The following LIFR variants were observed in gnomAD, a reference collection of about 807,000 sequenced individuals.
LIFR encodes the protein LIF receptor subunit alpha.
Under a neutral mutation model 122.2 loss-of-function variants are expected in LIFR, and 84 were observed. That is an observed-to-expected ratio of 0.69 (90% CI 0.58 to 0.82). The LOEUF is 0.82. Ranked by LOEUF, LIFR falls within the 40% of genes least tolerant of loss-of-function variation. The pLI, the probability that LIFR is intolerant of heterozygous loss-of-function variation, is 0.00. For missense variants in LIFR, 1,294 were observed against 1,311.6 expected, an observed-to-expected ratio of 0.99 and a Z score of 0.21; for synonymous variants, 422 against 434.7, an observed-to-expected ratio of 0.97 and a Z score of 0.36.
intron 6 of LIFR, 47 bp downstream of exon 6, chr5:38,511,743 A>G (rs771511770): frequency 5.1e-6 from 8 of 1,556,220 alleles, no homozygotes; most frequent in Non-Finnish European, 6.2e-6. Flanking sequence ...CTTAAGTGAG[A>G]CTAATTTAAT....
intron 5 of LIFR, among the ~76,000 whole-genome samples, chr5:38,517,449 A>G (rs946995449): frequency 1.3e-5 from 2 of 152,184 alleles, no homozygotes; most frequent in African/African-American, 4.8e-5. Flanking sequence ...ATTTAAATAA[A>G]TAATACCTTT....
intron 6 of LIFR, 54 bp from the exon 7 acceptor site, chr5:38,510,772 A>G: frequency 6.8e-7 from 1 of 1,467,108 alleles, no homozygotes; most frequent in Non-Finnish European, 9.4e-7. Flanking sequence ...TTTTACATAA[A>G]CTTTTCTGCA....
chr5:38,580,875 T>C (rs551573808), intron 1 of LIFR, among the ~76,000 whole-genome samples: 2 of 152,166 alleles, frequency 1.3e-5, no homozygotes, highest in African/African-American at 4.8e-5. Context: ...TGTTCTTCTC[T>C]ATCTCCGTGT....
At chr5:38,575,185 T>C (rs1467594154) in intron 1 of LIFR, among the ~76,000 whole-genome samples, 2 of 152,160 alleles carry the variant, frequency 1.3e-5, no homozygotes, top group Non-Finnish European at 2.9e-5. Flanking sequence ...GTCAAGAACA[T>C]TCTATTTGAT....
At chr5:38,588,169 AC>A (rs748931600) in intron 1 of LIFR, among the ~76,000 whole-genome samples, 1 of 152,356 alleles carries the variant, frequency 6.6e-6, no homozygotes, top group African/African-American at 2.4e-5. Flanking sequence ...TGACATGGAT[AC>A]CCAGTTGCAG....
At chr5:38,488,442 T>C (rs62353652) in intron 16 of LIFR, among the ~76,000 whole-genome samples, 8,179 of 152,300 alleles carry the variant, frequency 0.054, 261 homozygotes, top group Middle Eastern at 0.1. Flanking sequence ...GCTTGTGTTA[T>C]GCAGCTATGA....
chr5:38,598,641 T>C (rs1232367541), upstream of LIFR, among the ~76,000 whole-genome samples: 1 of 152,044 alleles, frequency 6.6e-6, no homozygotes, highest in Non-Finnish European at 1.5e-5. Context: ...CTCCTGCCCC[T>C]TCCCCTGACA....
intron 1 of LIFR, among the ~76,000 whole-genome samples, chr5:38,541,472 A>C (rs1023403198): frequency 5.9e-5 from 9 of 152,226 alleles, no homozygotes; most frequent in Non-Finnish European, 2.9e-5. Flanking sequence ...TTTGAACAAA[A>C]TCTTTTCTAA....
intron 1 of LIFR, among the ~76,000 whole-genome samples, chr5:38,535,145 A>G (rs1273433811): frequency 2.6e-5 from 4 of 152,226 alleles, no homozygotes; most frequent in Non-Finnish European, 5.9e-5. Context: ...GAACCTAGAA[A>G]GAGGCCTTGC....
In LIFR at chr5:38,505,970, G is replaced by C. The variant is rs899330619; in HGVS notation, c.1226C>G (p.Thr409Ser). The C allele has an allele frequency of 6.2e-7, 1 of 1,610,190 alleles. No homozygotes were observed. The highest frequency in any genetic ancestry group is 8.5e-7 in the Non-Finnish European group (1 of 1,177,592). ...MLPNQEIYNF[T>S]LNAHNPLGRS... is the part of the protein sequence containing the mutation. The stretch of plus-strand genomic sequence containing the variant: ...ACCCAGCGGATTGTGAGCATTCAAA[G>C]TAAAATTATATATTTCTTGATTTGG... Residue 409 changes from threonine to serine, a missense_variant, in exon 9 of 20, where the codon ACT (threonine) becomes AGT (serine). By Grantham distance (58) the Thr-to-Ser change is moderately conservative (BLOSUM62 1). Transcript: ENST00000453190.
chr5:38,494,443 C>A lies in LIFR; in HGVS notation c.1886-658G>T, dbSNP rs11950157. On this transcript the variant is annotated intron_variant, in intron 13 of 19. Transcript: ENST00000453190. The stretch of plus-strand genomic sequence containing the variant: ...GAAGTCTGCACAGCGTCCTAGGAGA[C>A]ACCAAGGGGCAAGGGGCAAGGGGCA... Among the ~76,000 whole-genome samples the A allele has an allele frequency of 3.8e-4, 52 of 137,732 alleles. 2 individuals are homozygous for A. In the South Asian group the frequency reaches 0.012, roughly 33 times the overall value. The allele number at this position is 137,732 out of a possible 152,430, so 90.4% of individuals were successfully genotyped here.
intron 11 of LIFR, among the ~76,000 whole-genome samples, chr5:38,501,047 G>A (rs777540146): frequency 6.6e-6 from 1 of 152,090 alleles, no homozygotes; most frequent in Admixed American, 6.6e-5. Context: ...CCCCAGTGAA[G>A]CCTGCAGTCC....
upstream of LIFR, chr5:38,558,593 A>G (rs1009613905): frequency 3.3e-5 from 5 of 152,236 alleles, no homozygotes; most frequent in Non-Finnish European, 2.9e-5. Context: ...TCACACTGCT[A>G]TAAAGAACTG....
chr5:38,595,813 A>G (rs1750081506), upstream of LIFR, among the ~76,000 whole-genome samples: 1 of 148,548 alleles, frequency 6.7e-6, no homozygotes, highest in Non-Finnish European at 1.5e-5. Context: ...GCTCACTGCA[A>G]GCTCCGCCTC....
intron 1 of LIFR, among the ~76,000 whole-genome samples, chr5:38,561,865 T>C (rs1007601505): frequency 6.6e-6 from 1 of 152,204 alleles, no homozygotes; most frequent in African/African-American, 2.4e-5. Flanking sequence ...TCACCTCCTG[T>C]CCTCTATGAC....
chr5:38,585,242 T>C (rs910961874), intron 1 of LIFR, among the ~76,000 whole-genome samples: 3 of 152,212 alleles, frequency 2.0e-5, no homozygotes, highest in Admixed American at 2.0e-4. Flanking sequence ...AGAAGTCAAG[T>C]ACAAATTACA....
chr5:38,554,993 G>A (rs941638766), intron 1 of LIFR: 4 of 152,158 alleles, frequency 2.6e-5, no homozygotes, highest in Non-Finnish European at 5.9e-5. Context: ...GCTTGCTAGT[G>A]ATCTCACTCA....
At chr5:38,484,567 A>C (rs939991142) in intron 18 of LIFR, among the ~76,000 whole-genome samples, 2 of 152,228 alleles carry the variant, frequency 1.3e-5, no homozygotes, top group African/African-American at 4.8e-5. Context: ...AAAATAGTAG[A>C]AAAAATTTAC....
intron 1 of LIFR, among the ~76,000 whole-genome samples, chr5:38,534,899 A>C (rs1207964822): frequency 6.6e-6 from 1 of 152,180 alleles, no homozygotes; most frequent in Admixed American, 6.5e-5. Context: ...TTAGCAATAA[A>C]AGCTAAAAAG....
Sources: gnomAD v4.1 joint callset for allele counts (sites outside exome capture counted in the v4.1 genomes callset) on GRCh38, gnomAD v4.1.1 for gene constraint, MANE v1.5 for transcripts, NCBI Gene and HGNC (gene_info 2026-07-23, HGNC 2026-07-21) for gene names.